Variants in LRFN2 observed in about 807,000 individuals in gnomAD.
The protein encoded by LRFN2 is leucine rich repeat and fibronectin type III domain containing 2.
In LRFN2, 18 loss-of-function variants were observed where a neutral mutation model predicts 37.3. The observed-to-expected ratio is 0.48, with a 90% CI of 0.33 to 0.72. The LOEUF (loss-of-function observed/expected upper bound fraction) is 0.72, where lower values mean the gene tolerates loss of function less well. Ranked by LOEUF, LRFN2 falls within the 30% of genes least tolerant of loss-of-function variation. The probability of loss-of-function intolerance (pLI) is 0.02; values close to 1 mark genes in which losing one functional copy is unlikely to be tolerated. For synonymous variants in LRFN2, 556 were observed against 466.6 expected (o/e 1.19, Z -2.47); for missense variants, 1,006 against 1,060.7 (o/e 0.95, Z 0.72).
chr6:40,532,257 A>C (rs866791774), intron 1 of LRFN2, among the ~76,000 whole-genome samples: 1 of 152,226 alleles, frequency 6.6e-6, no homozygotes, highest in Non-Finnish European at 1.5e-5. Flanking sequence ...ACTTGGGGTC[A>C]TCATATCCCA....
chr6:40,392,323 C>A lies in LRFN2; in HGVS notation c.1990G>T (p.Asp664Tyr), dbSNP rs765677352. 6.2e-7 allele frequency: 1 copy of A among 1,610,928 alleles called. No individual in the cohort carries two copies. The highest frequency in any genetic ancestry group is 8.5e-7 in the Non-Finnish European group (1 of 1,178,910). ...DRLMGAFASL[D>Y]LKSQRKEELL... ...TCCTCCTTTCTCTGACTCTTGAGGT[C>A]CAGGGAGGCGAAGGCCCCCATCAGG... is the stretch of plus-strand genomic sequence containing the variant. Residue 664 changes from aspartate (D) to tyrosine (Y), a missense_variant, in exon 3 of 3, where the codon GAC becomes TAC. Coordinates refer to ENST00000338305, the MANE Select transcript of LRFN2 (RefSeq NM_020737.3). The surrounding 1 kb of genome is among the most constrained non-coding windows in gnomAD (Gnocchi z 4.7).
At chr6:40,445,342 T>C (rs911104486) in intron 1 of LRFN2, among the ~76,000 whole-genome samples, 6 of 152,094 alleles carry the variant, frequency 3.9e-5, no homozygotes, top group African/African-American at 1.2e-4. Context: ...AAAGGCAGAG[T>C]TGGAATCGCA....
intron 1 of LRFN2, among the ~76,000 whole-genome samples, chr6:40,574,727 C>T (rs1767246224): frequency 1.3e-5 from 2 of 152,100 alleles, no homozygotes; most frequent in African/African-American, 4.8e-5. Flanking sequence ...GAGCAGGGCC[C>T]CATTAGCAAG....
chr6:40,468,534 C>CTTA, intron 1 of LRFN2, among the ~76,000 whole-genome samples: 1 of 152,188 alleles, frequency 6.6e-6, no homozygotes, highest in East Asian at 1.9e-4. Context: ...ATTGTGTGCA[C>CTTA]TTATTCCATT....
At chr6:40,527,927 T>C (rs555420890) in intron 1 of LRFN2, among the ~76,000 whole-genome samples, 1 of 152,302 alleles carries the variant, frequency 6.6e-6, no homozygotes, top group African/African-American at 2.4e-5. Flanking sequence ...TTATCATATG[T>C]GTTACTAACT....
chr6:40,447,818 C>A (rs1581713375), intron 1 of LRFN2, among the ~76,000 whole-genome samples: 2 of 152,184 alleles, frequency 1.3e-5, no homozygotes, highest in South Asian at 4.1e-4. Flanking sequence ...GTAGGTGGCC[C>A]CTCATCCATC....
At chr6:40,393,046 G>A (rs1762547879) in intron 2 of LRFN2, 134 bp from the exon 3 acceptor site, 2 of 727,472 alleles carry the variant, frequency 2.7e-6, no homozygotes, top group East Asian at 5.3e-5. Context: ...CAGACACGGG[G>A]ACACAGAGAG....
chr6:40,432,904 C>G lies in LRFN2; in HGVS notation c.210G>C (p.Gln70His), dbSNP rs753368677. Residue 70 changes from glutamine to histidine, a missense_variant, in exon 2 of 3, where the codon CAG becomes CAC. Physicochemically the swap from Gln to His is conservative, Grantham distance 24. This residue lies in a region of LRFN2 where 185 missense variants were observed against 254.9 expected (regional missense o/e 0.73). Coordinates refer to ENST00000338305, the MANE Select transcript of LRFN2 (RefSeq NM_020737.3). ...GGNFIIHISRQDFANMTGLVD... is the reference protein window; with the variant it reads ...GGNFIIHISRHDFANMTGLVD... ...CCAGCCCCGTCATGTTGGCAAAGTC[C>G]TGGCGGCTGATGTGGATGATGAAGT... The G allele has an allele frequency of 3.0e-5, 48 of 1,614,114 alleles. No individual in the cohort carries two copies. The East Asian group carries it at 1.0e-3, about 35-fold the overall frequency.
Position 40,391,726 on chromosome 6 carries a change from A to C in LRFN2, c.*217T>G. 1 of 444,718 alleles carries C rather than the reference A, an allele frequency of 2.2e-6. No homozygotes were observed. Among genetic ancestry groups the C allele is most frequent in the East Asian group, 3.6e-5 (1 of 27,758 alleles). 27.5% of individuals were successfully genotyped at this position (444,718 alleles called of 1,614,324 possible). Reference sequence around the variant, plus strand: ...CCAAACACTCAGGGCTCAGTCCGGCATTTGAGCGAGTCCACATTCCCTGAG... The same window carrying C: ...CCAAACACTCAGGGCTCAGTCCGGCCTTTGAGCGAGTCCACATTCCCTGAG... On this transcript the variant is annotated 3_prime_UTR_variant, in exon 3 of 3. Transcript: ENST00000338305.
chr6:40,397,077 C>T (rs1438762373), intron 2 of LRFN2, among the ~76,000 whole-genome samples: 1 of 152,164 alleles, frequency 6.6e-6, no homozygotes, highest in African/African-American at 2.4e-5. Context: ...GACACTTCTG[C>T]CTCCAGGCAA....
chr6:40,461,357 A>G (rs1294789589), intron 1 of LRFN2, among the ~76,000 whole-genome samples: 3 of 152,156 alleles, frequency 2.0e-5, no homozygotes, highest in Non-Finnish European at 4.4e-5. Context: ...GCAGTGAGCC[A>G]TGATCACACC....
chr6:40,549,168 A>G (rs1486149407), intron 1 of LRFN2, among the ~76,000 whole-genome samples: 1 of 152,242 alleles, frequency 6.6e-6, no homozygotes, highest in Non-Finnish European at 1.5e-5. Context: ...AGAGCCATCA[A>G]TGACATTGGT....
intron 2 of LRFN2, among the ~76,000 whole-genome samples, chr6:40,425,564 C>T (rs1763333191): frequency 6.6e-6 from 1 of 152,230 alleles, no homozygotes; most frequent in African/African-American, 2.4e-5. Context: ...TCCCAAACTT[C>T]CCCTACCCCT....
intron 1 of LRFN2, among the ~76,000 whole-genome samples, chr6:40,514,618 T>A (rs1205555578): frequency 1.3e-5 from 2 of 152,150 alleles, no homozygotes; most frequent in Non-Finnish European, 2.9e-5. Context: ...CCCAGCCATA[T>A]GTTACATGTG....
At chr6:40,482,370 C>T (rs73732683) in intron 1 of LRFN2, among the ~76,000 whole-genome samples, 2,143 of 152,166 alleles carry the variant, frequency 0.014, 67 homozygotes, top group African/African-American at 0.048. Flanking sequence ...GGAGAAGATG[C>T]TACGTTCTGG....
chr6:40,408,256 A>G (rs1762889853), intron 2 of LRFN2, among the ~76,000 whole-genome samples: 1 of 152,198 alleles, frequency 6.6e-6, no homozygotes, highest in African/African-American at 2.4e-5. Flanking sequence ...AAAAATGGCA[A>G]AAAATATCGC....
Position 40,549,664 on chromosome 6 carries a change from G to T in LRFN2, c.-19+37277C>A, listed in dbSNP as rs990618521. Among the ~76,000 whole-genome samples the T allele has an allele frequency of 8.5e-5, 13 of 152,316 alleles. 1 individual carries two copies. The East Asian group carries it at 2.5e-3, about 29-fold the overall frequency. ...ATGCTATTGTATGTGAGCAAAGATA[G>T]GTGGTGGGAACCACAGTGAAACATA... On this transcript the variant is annotated intron_variant, in intron 1 of 2. Transcript: ENST00000338305.
chr6:40,433,053 A>G lies in LRFN2; in HGVS notation c.61T>C (p.Cys21Arg). The G allele has an allele frequency of 6.4e-7, 1 of 1,563,012 alleles. No individual in the cohort carries two copies. Among genetic ancestry groups the G allele is most frequent in the Non-Finnish European group, 8.7e-7 (1 of 1,156,054 alleles). Residue 21 changes from cysteine (C) to arginine (R), a missense_variant, in exon 2 of 3, where the codon TGC (cysteine) becomes CGC (arginine). Around this residue, in one of 4 missense-constraint regions of LRFN2, gnomAD observed 185 missense variants for 254.9 expected, o/e 0.73. Coordinates refer to ENST00000338305, the MANE Select transcript of LRFN2 (RefSeq NM_020737.3). ...TTCTGGCAGACACAGTACTTGGGGC[A>G]GGCGTCGACCACGGCAAACGCCATG... ...FGMAFAVVDA[C>R]PKYCVCQNLS... is the part of the protein sequence containing the mutation.
At chr6:40,476,697 A>G (rs1246552814) in intron 1 of LRFN2, among the ~76,000 whole-genome samples, 2 of 152,256 alleles carry the variant, frequency 1.3e-5, no homozygotes, top group Non-Finnish European at 2.9e-5. Flanking sequence ...AATTCCCAGC[A>G]TAGGCTCCAT....
Sources: allele counts gnomAD v4.1 joint callset (sites outside exome capture counted in the v4.1 genomes callset), GRCh38; gene constraint gnomAD v4.1.1; regional missense constraint gnomAD v4.1.1; non-coding constraint Gnocchi (gnomAD v3.1); transcripts MANE v1.5; gene names NCBI Gene and HGNC (gene_info 2026-07-23, HGNC 2026-07-21).